BAZ1B: variants seen among roughly 807,000 people sequenced by gnomAD.
The protein encoded by BAZ1B is tyrosine-protein kinase BAZ1B.
In BAZ1B, 22 loss-of-function variants were observed where a neutral mutation model predicts 153.8. That is an observed-to-expected ratio of 0.14 (90% confidence interval 0.10 to 0.20). The LOEUF (loss-of-function observed/expected upper bound fraction) is 0.20. Among genes scored for constraint, BAZ1B ranks in the 10% least tolerant of loss-of-function variants. The pLI is 1.00. For missense variants in BAZ1B, 1,325 were observed against 1,799.3 expected (o/e 0.74, Z 4.77); for synonymous variants, 676 against 633.4 (o/e 1.07, Z -1.01).
chr7:73,463,156 C>A, intron 11 of BAZ1B, 57 bp from the exon 12 acceptor site: 2 of 1,425,190 alleles, frequency 1.4e-6, no homozygotes, highest in Middle Eastern at 1.8e-4. Context: ...AGATGTTCTT[C>A]AAATTTCAAT....
At chr7:73,441,906 C>T in intron 19 of BAZ1B, 1 of 436,630 alleles carries the variant, frequency 2.3e-6, no homozygotes, top group Non-Finnish European at 4.1e-6. Context: ...GGAAAGAAGG[C>T]AGGAACAGGA....
Position 73,477,500 on chromosome 7 carries a change from A to G in BAZ1B, c.1961T>C (p.Val654Ala), listed in dbSNP as rs782414971. ...DKGGFLYLNR[V>A]LVILLQTLLQ... is the part of the protein sequence containing the mutation. ...GAGGGTCTGTAAGAGGATGACCAAC[A>G]CCCTGTTAAGGTATAAAAAGCCACC... The change falls in exon 7 of 20, where the codon GTG becomes GCG. Residue 654 changes from valine (V) to alanine (A), a missense_variant. Transcript: ENST00000339594. The surrounding 1 kb of genome is among the most constrained non-coding windows in gnomAD (Gnocchi z 5.6). 1 of 1,614,096 alleles carries G rather than the reference A, an allele frequency of 6.2e-7. No homozygotes were observed. The highest frequency in any genetic ancestry group is 1.1e-5 in the South Asian group (1 of 91,070).
In BAZ1B at chr7:73,521,930, C is replaced by T; in HGVS notation, c.4G>A (p.Ala2Thr). 6.8e-7 allele frequency: 1 copy of T among 1,462,458 alleles called. No homozygotes were observed. The highest frequency in any genetic ancestry group is 1.3e-5 in the South Asian group (1 of 77,690). 90.6% of individuals were successfully genotyped at this position (1,462,458 alleles called of 1,614,324 possible). A position where few individuals can be genotyped will look rare whatever the true frequency, so the allele number is the denominator to read the frequency against. Residue 2 changes from alanine (A) to threonine (T), a missense_variant, in exon 1 of 20, where the codon GCG becomes ACG. Physicochemically the swap from Ala to Thr is moderately conservative, Grantham distance 58. This residue lies in a region of BAZ1B where 61 missense variants were observed against 61.5 expected (regional missense o/e 0.99). Coordinates refer to ENST00000339594, the MANE Select transcript of BAZ1B (RefSeq NM_032408.4). ...AAGGGCTTGCGGCCCAGGAGCGGCG[C>T]CATCGCGGCGGCGGCGGTGGGGACT... The part of the protein sequence containing the change: M[A>T]PLLGRKPFPL...
chr7:73,459,920 T>C (rs1336940564), intron 12 of BAZ1B, among the ~76,000 whole-genome samples: 1 of 152,088 alleles, frequency 6.6e-6, no homozygotes, highest in African/African-American at 2.4e-5. Context: ...ACTGGCCGGG[T>C]GCAGTGGCTC....
chr7:73,469,934 C>T (rs1014898756), intron 8 of BAZ1B, among the ~76,000 whole-genome samples: 8 of 152,138 alleles, frequency 5.3e-5, no homozygotes, highest in African/African-American at 1.9e-4. Context: ...TCTTGAACTC[C>T]TGGCCTCAAG....
At chr7:73,472,882 G>A (rs1006192208) in intron 7 of BAZ1B, among the ~76,000 whole-genome samples, 2 of 150,694 alleles carry the variant, frequency 1.3e-5, no homozygotes, top group African/African-American at 4.9e-5. Flanking sequence ...TCAGCTTCCC[G>A]AGTAGCTGGA....
intron 3 of BAZ1B, among the ~76,000 whole-genome samples, chr7:73,503,292 G>A (rs184242481): frequency 1.1e-4 from 17 of 152,120 alleles, no homozygotes; most frequent in African/African-American, 3.1e-4. Context: ...CTATGGTTTC[G>A]ATTAGATTTC....
chr7:73,497,425 T>A (rs1554576527), intron 4 of BAZ1B, among the ~76,000 whole-genome samples: 2 of 152,214 alleles, frequency 1.3e-5, no homozygotes, highest in African/African-American at 4.8e-5. Flanking sequence ...TTCATATTTT[T>A]CTTGACTGAG....
In BAZ1B at chr7:73,442,746, T is replaced by C. The variant is rs1192786537; in HGVS notation, c.4073A>G (p.Tyr1358Cys). 5.0e-6 allele frequency: 8 copies of C among 1,614,004 alleles called. No homozygotes were observed. The Admixed American group carries it at 1.3e-4, about 27-fold the overall frequency. Residue 1358 changes from tyrosine (Y) to cysteine (C), a missense_variant, in exon 18 of 20, where the codon TAC (tyrosine) becomes TGC (cysteine). By Grantham distance (194) the Tyr-to-Cys change is radical (BLOSUM62 -2). Coordinates refer to ENST00000339594, the MANE Select transcript of BAZ1B (RefSeq NM_032408.4). ...CEEILHKIVK[Y>C]RFSWPFREPV... Reference sequence around the variant, plus strand: ...TCACCTGAAGGGCCAGCTGAAGCGGTACTTCACGATCTTGTGGAGGATCTC... The same window carrying C: ...TCACCTGAAGGGCCAGCTGAAGCGGCACTTCACGATCTTGTGGAGGATCTC...
chr7:73,448,235 TG>T (rs1261491472), intron 15 of BAZ1B, among the ~76,000 whole-genome samples: 2 of 151,716 alleles, frequency 1.3e-5, no homozygotes, highest in Non-Finnish European at 2.9e-5. Context: ...ACCTGGGAGG[TG>T]GAAGTTACAG....
At chr7:73,491,994 T>G (rs1361301290) in intron 5 of BAZ1B, among the ~76,000 whole-genome samples, 1 of 148,750 alleles carries the variant, frequency 6.7e-6, no homozygotes, top group Non-Finnish European at 1.5e-5. Context: ...CGCTTTTTTT[T>G]TTTTTTTTTT....
At chr7:73,515,976 C>T (rs1406459235) in intron 1 of BAZ1B, among the ~76,000 whole-genome samples, 7 of 152,072 alleles carry the variant, frequency 4.6e-5, no homozygotes, top group African/African-American at 1.7e-4. Context: ...GAAACCCCGT[C>T]TCTACTTAAA....
At chr7:73,456,336 T>TTTA (rs1431847040) in intron 13 of BAZ1B, among the ~76,000 whole-genome samples, 1 of 152,160 alleles carries the variant, frequency 6.6e-6, no homozygotes. Flanking sequence ...AATGCTTGTA[T>TTTA]GCAAAGGACA....
chr7:73,522,051 T>C lies in BAZ1B; in HGVS notation c.-118A>G, dbSNP rs1554580361. The C allele has an allele frequency of 3.2e-6, 2 of 632,466 alleles. No individual in the cohort carries two copies. Among genetic ancestry groups the C allele is most frequent in the Non-Finnish European group, 4.5e-6 (2 of 442,714 alleles). 39.2% of individuals were successfully genotyped at this position (632,466 alleles called of 1,614,324 possible). On this transcript the variant is annotated 5_prime_UTR_variant, in exon 1 of 20. Coordinates refer to ENST00000339594, the MANE Select transcript of BAZ1B (RefSeq NM_032408.4). ...GGGGTGGGGTGGGGGAAGGGAGGGGTGAGAGGGCGGCGCGAACTCCGGCTC... is the reference window on the plus strand; with the variant it reads ...GGGGTGGGGTGGGGGAAGGGAGGGGCGAGAGGGCGGCGCGAACTCCGGCTC...
intron 13 of BAZ1B, among the ~76,000 whole-genome samples, chr7:73,452,932 A>T (rs1428657657): frequency 6.6e-6 from 1 of 152,186 alleles, no homozygotes; most frequent in African/African-American, 2.4e-5. Flanking sequence ...AAAACCCAGG[A>T]TTTTGCCAAA....
At chr7:73,449,780 C>G in intron 14 of BAZ1B, 91 bp from the exon 15 acceptor site, 14 of 1,387,674 alleles carry the variant, frequency 1.0e-5, no homozygotes, top group Non-Finnish European at 1.4e-5. Flanking sequence ...CAATTCAAGG[C>G]ACACGAGGAG....
chr7:73,496,911 C>T lies in BAZ1B; in HGVS notation c.571+1586G>A, dbSNP rs554065263. On this transcript the variant is annotated intron_variant, in intron 4 of 19. Coordinates refer to ENST00000339594, the MANE Select transcript of BAZ1B (RefSeq NM_032408.4). Reference sequence around the variant, plus strand: ...CATGAGGCCGAGGCCACAAGGAGGTCCAGGCTGCACTAAGCTGTCATCACA... The same window carrying T: ...CATGAGGCCGAGGCCACAAGGAGGTTCAGGCTGCACTAAGCTGTCATCACA... Among the ~76,000 whole-genome samples, 122 of 151,852 alleles carry T rather than the reference C, an allele frequency of 8.0e-4. No individual in the cohort carries two copies. In the South Asian group the frequency reaches 0.015, roughly 18 times the overall value.
intron 12 of BAZ1B, among the ~76,000 whole-genome samples, chr7:73,460,294 T>C (rs1160440330): frequency 1.3e-5 from 2 of 151,210 alleles, no homozygotes; most frequent in Non-Finnish European, 2.9e-5. Flanking sequence ...AGGAGTTACA[T>C]AGTTGATTCA....
At position 73,450,780 on chromosome 7, in the gene BAZ1B, G is replaced by A; in HGVS notation, c.3580+67C>T. On this transcript the variant is annotated intron_variant, in intron 14 of 19. Coordinates refer to ENST00000339594, the MANE Select transcript of BAZ1B (RefSeq NM_032408.4). The surrounding 1 kb of genome is among the most constrained non-coding windows in gnomAD (Gnocchi z 4.1). ...ACACAAAATTCTTTTGGGTAGAAAT[G>A]AAGATCTTGGGAATAGAAATCCTAC... 6.4e-7 allele frequency: 1 copy of A among 1,564,728 alleles called. No homozygotes were observed. Among genetic ancestry groups the A allele is most frequent in the Admixed American group, 1.7e-5 (1 of 58,322 alleles).
Sources: gnomAD v4.1 joint callset for allele counts (sites outside exome capture counted in the v4.1 genomes callset) on GRCh38, gnomAD v4.1.1 for gene constraint, gnomAD v4.1.1 regional missense constraint, Gnocchi (gnomAD v3.1) non-coding constraint, MANE v1.5 for transcripts, NCBI Gene and HGNC (gene_info 2026-07-23, HGNC 2026-07-21) for gene names.